The following IQCB1 variants were observed in gnomAD, a reference collection of about 807,000 sequenced individuals.
The protein encoded by IQCB1 is IQ motif containing B1.
A neutral mutation model predicts 84.4 loss-of-function variants in IQCB1; 56 were observed. The observed-to-expected ratio is 0.66, with a 90% confidence interval of 0.54 to 0.83. The LOEUF is 0.83. Ranked by LOEUF, IQCB1 falls within the 40% of genes least tolerant of loss-of-function variation. The probability of loss-of-function intolerance (pLI) is 0.00; values close to 1 mark genes in which losing one functional copy is unlikely to be tolerated. For missense variants in IQCB1, 629 were observed against 682.1 expected (o/e 0.92, Z 0.87); for synonymous variants, 210 against 234.8 (o/e 0.89, Z 0.96).
intron 4 of IQCB1, among the ~76,000 whole-genome samples, chr3:121,826,629 T>C (rs1950474727): frequency 6.6e-6 from 1 of 152,204 alleles, no homozygotes; most frequent in Non-Finnish European, 1.5e-5. Context: ...ACTAATTTCA[T>C]ACCAATTTTA....
At chr3:121,829,820 T>C (rs992820575) in intron 2 of IQCB1, among the ~76,000 whole-genome samples, 2 of 152,230 alleles carry the variant, frequency 1.3e-5, no homozygotes, top group African/African-American at 4.8e-5. Flanking sequence ...TTCTGAGTCC[T>C]GTGAGCCCTC....
intron 6 of IQCB1, among the ~76,000 whole-genome samples, chr3:121,808,529 A>G (rs745932453): frequency 2.1e-4 from 32 of 151,974 alleles, no homozygotes; most frequent in Non-Finnish European, 4.1e-4. Flanking sequence ...TAGTTAGACT[A>G]TATGAGTTAA....
At chr3:121,832,859 T>C (rs947045595) in intron 2 of IQCB1, among the ~76,000 whole-genome samples, 4 of 152,216 alleles carry the variant, frequency 2.6e-5, no homozygotes, top group African/African-American at 9.6e-5. Flanking sequence ...GATTAAAAAA[T>C]GCACACAGTA....
intron 13 of IQCB1, among the ~76,000 whole-genome samples, chr3:121,780,959 G>C (rs1460179875): frequency 6.6e-6 from 1 of 152,148 alleles, no homozygotes; most frequent in African/African-American, 2.4e-5. Context: ...AAAGTACCAA[G>C]ATACACTATG....
chr3:121,781,810 T>C lies in IQCB1; in HGVS notation c.1343A>G (p.Gln448Arg). The change falls in exon 13 of 15, where the codon CAA becomes CGA. Residue 448 changes from glutamine (Q) to arginine (R), a missense_variant. Transcript: ENST00000310864. ...AACTCGGCGTGCATCAGTGAGTTCT[T>C]GGAGTCCTCGCCAAGGAGCAAATAG... The part of the protein sequence containing the change: ...KKLFAPWRGL[Q>R]ELTDARRVEL... 1 of 1,613,960 alleles carries C rather than the reference T, an allele frequency of 6.2e-7. No individual in the cohort carries two copies. The highest frequency in any genetic ancestry group is 8.5e-7 in the Non-Finnish European group (1 of 1,179,884).
At chr3:121,788,475 G>A (rs757271560) in intron 11 of IQCB1, 43 bp from the exon 12 acceptor site, 3 of 1,554,382 alleles carry the variant, frequency 1.9e-6, no homozygotes, top group Non-Finnish European at 1.8e-6. Flanking sequence ...TCACTGCCAT[G>A]CTTTCTTAAG....
rs1950026534 is a variant in IQCB1, at chr3:121,815,752, AAC to A, written c.394-6745_394-6744del. Among the ~76,000 whole-genome samples, 6 of 130,530 alleles carry A rather than the reference AAC, an allele frequency of 4.6e-5. No homozygotes were observed. The South Asian group carries it at 1.5e-3, about 33-fold the overall frequency. 85.6% of individuals were successfully genotyped at this position (130,530 alleles called of 152,430 possible). On this transcript the variant is annotated intron_variant, in intron 5 of 14. Coordinates refer to ENST00000310864, the MANE Select transcript of IQCB1 (RefSeq NM_001023570.4). ...ACTACAAAACACTGCTCAAGGAAAT[AAC>A]AGAGGACACAAACAAATGGAAAAAA...
At position 121,797,239 on chromosome 3, in the gene IQCB1, T is replaced by A. The variant is rs367899924; in HGVS notation, c.767-12A>T. 3 of 1,154,870 alleles carry A rather than the reference T, an allele frequency of 2.6e-6. No homozygotes were observed. The highest frequency in any genetic ancestry group is 1.7e-5 in the Admixed American group (1 of 59,094). The allele number at this position is 1,154,870 out of a possible 1,614,324, so 71.5% of individuals were successfully genotyped here. A position where few individuals can be genotyped will look rare whatever the true frequency, so the allele number is the denominator to read the frequency against. ...TAGACGTCTGAGTCCTGAAATGGAA[T>A]AGCAAAAGGTACAACTATTATTATA... is the stretch of plus-strand genomic sequence containing the variant. On this transcript the variant is annotated splice_polypyrimidine_tract_variant and intron_variant, in intron 8 of 14. Coordinates refer to ENST00000310864, the MANE Select transcript of IQCB1 (RefSeq NM_001023570.4).
chr3:121,817,836 G>A (rs1950131266), intron 5 of IQCB1, among the ~76,000 whole-genome samples: 1 of 151,620 alleles, frequency 6.6e-6, no homozygotes, highest in South Asian at 2.1e-4. Flanking sequence ...GCCCTTATAA[G>A]AAAGAAAGAA....
At chr3:121,815,928 CAAAAAAAAAAA>C (rs36019026) in intron 5 of IQCB1, among the ~76,000 whole-genome samples, 2 of 88,778 alleles carry the variant, frequency 2.3e-5, no homozygotes, top group African/African-American at 8.6e-5. Flanking sequence ...CATGTGGAAC[CAAAAAAAAAAA>C]AAAAAAAAAG....
intron 4 of IQCB1, among the ~76,000 whole-genome samples, chr3:121,828,108 T>C (rs992205781): frequency 1.3e-5 from 2 of 152,140 alleles, no homozygotes; most frequent in African/African-American, 4.8e-5. Context: ...TTGTATCATA[T>C]ACTTACATGA....
At chr3:121,779,726 T>C (rs934482958) in intron 13 of IQCB1, among the ~76,000 whole-genome samples, 1 of 152,378 alleles carries the variant, frequency 6.6e-6, no homozygotes, top group South Asian at 2.1e-4. Flanking sequence ...GATATTTTGA[T>C]ATTTCTTAAA....
In IQCB1 at chr3:121,788,381, A is replaced by C. The variant is rs2108543749; in HGVS notation, c.1181T>G (p.Ile394Ser). ...REMEEKSALI[I>S]QKHWRGYRER... ...CCTGTACCCTCTCCAATGTTTCTGG[A>C]TAATCAGTGCTGATTTCTCTTCCAT... The change falls in exon 12 of 15, where the codon ATC becomes AGC. Residue 394 changes from isoleucine (I) to serine (S), a missense_variant. Coordinates refer to ENST00000310864, the MANE Select transcript of IQCB1 (RefSeq NM_001023570.4). The C allele has an allele frequency of 6.2e-7, 1 of 1,613,824 alleles. No homozygotes were observed. Among genetic ancestry groups the C allele is most frequent in the Middle Eastern group, 1.7e-4 (1 of 6,058 alleles).
intron 13 of IQCB1, 51 bp from the exon 14 acceptor site, chr3:121,772,764 A>C: frequency 6.4e-7 from 1 of 1,572,814 alleles, no homozygotes. Context: ...TAGGTATCAA[A>C]GTACCCAACC....
intron 7 of IQCB1, among the ~76,000 whole-genome samples, chr3:121,803,502 G>T (rs959368509): frequency 3.2e-4 from 16 of 49,266 alleles, no homozygotes; most frequent in African/African-American, 2.3e-3. Context: ...TGATATTATT[G>T]TTCAAATCTG....
At chr3:121,774,555 G>A (rs1413573765) in intron 13 of IQCB1, among the ~76,000 whole-genome samples, 1 of 152,168 alleles carries the variant, frequency 6.6e-6, no homozygotes, top group African/African-American at 2.4e-5. Context: ...TAAACAAAAT[G>A]TAGTATATAT....
chr3:121,780,368 T>G (rs1948420892), intron 13 of IQCB1, among the ~76,000 whole-genome samples: 1 of 152,216 alleles, frequency 6.6e-6, no homozygotes, highest in African/African-American at 2.4e-5. Context: ...TGTTTCTTTT[T>G]CTGGTTGTTT....
In IQCB1 at chr3:121,807,401, T is replaced by C. The variant is rs1949642768; in HGVS notation, c.530A>G (p.Asn177Ser). The C allele has an allele frequency of 1.9e-6, 3 of 1,580,158 alleles. No individual in the cohort carries two copies. The highest frequency in any genetic ancestry group is 1.7e-4 in the Middle Eastern group (1 of 5,934). The change falls in exon 7 of 15, where the codon AAT (asparagine) becomes AGT (serine). Residue 177 changes from asparagine (N) to serine (S), a missense_variant. Coordinates refer to ENST00000310864, the MANE Select transcript of IQCB1 (RefSeq NM_001023570.4). ...DHFLHLLQAD[N>S]VQIGSAVMMM... ...CATGACTGCAGATCCTATTTGGACA[T>C]TGTCAGCTTGCAGTAAATGTAAGAA...
At chr3:121,810,823 C>T (rs1949798667) in intron 5 of IQCB1, among the ~76,000 whole-genome samples, 1 of 152,132 alleles carries the variant, frequency 6.6e-6, no homozygotes, top group African/African-American at 2.4e-5. Context: ...AACACAATTC[C>T]TATAGTTTAT....
Sources: allele counts gnomAD v4.1 joint callset (sites outside exome capture counted in the v4.1 genomes callset), GRCh38; gene constraint gnomAD v4.1.1; transcripts MANE v1.5; gene names NCBI Gene and HGNC (gene_info 2026-07-23, HGNC 2026-07-21).